OSBPL6: variants seen among roughly 807,000 people sequenced by gnomAD.
OSBPL6 encodes the protein oxysterol-binding protein-related protein 6.
In OSBPL6, 49 loss-of-function variants were observed where a neutral mutation model predicts 125.8. The observed-to-expected ratio is 0.39, with a 90% CI of 0.31 to 0.49. OSBPL6 has a LOEUF of 0.49. Among genes scored for constraint, OSBPL6 ranks in the 20% least tolerant of loss-of-function variants. The probability of loss-of-function intolerance (pLI) is 0.88; values close to 1 mark genes in which losing one functional copy is unlikely to be tolerated. For missense variants in OSBPL6, 986 were observed against 1,135.4 expected (o/e 0.87, Z 1.89); for synonymous variants, 394 against 391.8 (o/e 1.01, Z -0.07).
intron 1 of OSBPL6, among the ~76,000 whole-genome samples, chr2:178,280,072 C>T (rs529501265): frequency 1.3e-5 from 2 of 152,164 alleles, no homozygotes; most frequent in East Asian, 1.9e-4. Flanking sequence ...GTGGCGCACA[C>T]CTGTAGTCCC....
At chr2:178,381,712 G>A (rs1466090404) in intron 15 of OSBPL6, among the ~76,000 whole-genome samples, 4 of 152,314 alleles carry the variant, frequency 2.6e-5, no homozygotes, top group South Asian at 4.2e-4. Flanking sequence ...CCTCCCTAGG[G>A]AGAGCTGCCA....
intron 1 of OSBPL6, among the ~76,000 whole-genome samples, chr2:178,217,169 A>G (rs900740288): frequency 3.9e-5 from 6 of 152,214 alleles, no homozygotes; most frequent in South Asian, 2.1e-4. Context: ...CTCTCAAATG[A>G]TTCAGAAAGT....
In OSBPL6 at chr2:178,242,065, G is replaced by A. The variant is rs532205299; in HGVS notation, c.-350-42862G>A. ...GTGCACTCTGTGATGTTCACACAAT[G>A]ACGAAATCACCTAAAGACATTTCTC... On this transcript the variant is annotated intron_variant, in intron 1 of 24. Coordinates refer to ENST00000190611, the MANE Select transcript of OSBPL6 (RefSeq NM_032523.4). 3.9e-5 allele frequency among the ~76,000 whole-genome samples: 6 copies of A among 152,302 alleles called. No homozygotes were observed. In the South Asian group the frequency reaches 1.2e-3, roughly 32 times the overall value.
intron 3 of OSBPL6, among the ~76,000 whole-genome samples, chr2:178,321,223 G>C (rs11894942): frequency 6.6e-6 from 1 of 152,170 alleles, no homozygotes; most frequent in East Asian, 1.9e-4. Context: ...CTGCAAATTA[G>C]CACTAAAAAA....
chr2:178,359,431 C>A (rs1026746653), intron 12 of OSBPL6, among the ~76,000 whole-genome samples: 1 of 152,032 alleles, frequency 6.6e-6, no homozygotes, highest in African/African-American at 2.4e-5. Context: ...GAAAATGAAA[C>A]CTTTGTACAC....
intron 1 of OSBPL6, among the ~76,000 whole-genome samples, chr2:178,249,342 A>G (rs1370068846): frequency 1.3e-5 from 2 of 152,168 alleles, no homozygotes; most frequent in East Asian, 3.8e-4. Context: ...TTGATCATCT[A>G]TGTATGGCAC....
intron 1 of OSBPL6, among the ~76,000 whole-genome samples, chr2:178,260,448 A>G (rs375484938): frequency 1.3e-5 from 2 of 152,162 alleles, no homozygotes; most frequent in East Asian, 3.9e-4. Context: ...CTGTCTTTCT[A>G]CTAATTTATA....
At chr2:178,354,563 T>A (rs1276174651) in intron 12 of OSBPL6, among the ~76,000 whole-genome samples, 1 of 152,132 alleles carries the variant, frequency 6.6e-6, no homozygotes, top group East Asian at 1.9e-4. Flanking sequence ...ATACACCCAA[T>A]ACAGGAGCAC....
At chr2:178,394,639 T>C (rs979366037) in intron 24 of OSBPL6, among the ~76,000 whole-genome samples, 5 of 152,228 alleles carry the variant, frequency 3.3e-5, no homozygotes, top group African/African-American at 9.6e-5. Context: ...TCTCTTTTCA[T>C]GGGCAGCAGA....
In OSBPL6 at chr2:178,333,153, C is replaced by T. The variant is rs1247288424; in HGVS notation, c.657+112C>T. On this transcript the variant is annotated intron_variant, in intron 8 of 24. Transcript: ENST00000190611. ...ATCCCAGCACTTTGGGAGGCCAAGG[C>T]GGGTGGATCGCCTGACAGCCAGGAG... 1.4e-5 allele frequency: 16 copies of T among 1,139,598 alleles called. No homozygotes were observed. The Admixed American group carries it at 1.5e-4, about 10-fold the overall frequency. The allele number at this position is 1,139,598 out of a possible 1,614,324, so 70.6% of individuals were successfully genotyped here. A position where few individuals can be genotyped will look rare whatever the true frequency, so the allele number is the denominator to read the frequency against.
At chr2:178,256,196 G>T (rs571769307) in intron 1 of OSBPL6, among the ~76,000 whole-genome samples, 1 of 152,226 alleles carries the variant, frequency 6.6e-6, no homozygotes, top group Non-Finnish European at 1.5e-5. Context: ...AGAGAAAGCA[G>T]CACACTCCCT....
In OSBPL6 at chr2:178,228,268, G is replaced by T. The variant is rs994857601; in HGVS notation, c.-351+33594G>T. ...ATTTAAGACACGGCCGGGCGCGGTGGCTCATGCCTGTAATCCCAGCACTTT... is the reference window on the plus strand; with the variant it reads ...ATTTAAGACACGGCCGGGCGCGGTGTCTCATGCCTGTAATCCCAGCACTTT... On this transcript the variant is annotated intron_variant, in intron 1 of 24. Coordinates refer to ENST00000190611, the MANE Select transcript of OSBPL6 (RefSeq NM_032523.4). Among the ~76,000 whole-genome samples, 3 of 152,320 alleles carry T rather than the reference G, an allele frequency of 2.0e-5. 1 individual carries two copies. In the South Asian group the frequency reaches 6.2e-4, roughly 32 times the overall value.
At chr2:178,272,620 C>A (rs945601897) in intron 1 of OSBPL6, among the ~76,000 whole-genome samples, 1 of 152,132 alleles carries the variant, frequency 6.6e-6, no homozygotes, top group Non-Finnish European at 1.5e-5. Context: ...CTGGGAGTAG[C>A]ATTACAATTC....
intron 13 of OSBPL6, among the ~76,000 whole-genome samples, chr2:178,371,851 A>T (rs930447355): frequency 1.3e-5 from 2 of 152,192 alleles, no homozygotes; most frequent in African/African-American, 4.8e-5. Context: ...GACTCACTCT[A>T]AAGGAAAGAA....
chr2:178,315,427 G>A (rs1359313692), intron 3 of OSBPL6, among the ~76,000 whole-genome samples: 1 of 152,212 alleles, frequency 6.6e-6, no homozygotes, highest in Non-Finnish European at 1.5e-5. Flanking sequence ...TATTTGGAAT[G>A]TAGTAAATAT....
At chr2:178,224,750 T>C (rs923065451) in intron 1 of OSBPL6, among the ~76,000 whole-genome samples, 1 of 152,022 alleles carries the variant, frequency 6.6e-6, no homozygotes, top group African/African-American at 2.4e-5. Flanking sequence ...GCCTGGACAA[T>C]ATAATGAGAC....
chr2:178,236,123 A>G (rs768243789), intron 1 of OSBPL6, among the ~76,000 whole-genome samples: 31 of 152,130 alleles, frequency 2.0e-4, no homozygotes, highest in Non-Finnish European at 3.8e-4. Flanking sequence ...TCTAGTTGCT[A>G]CAGTCTCTTA....
intron 11 of OSBPL6, among the ~76,000 whole-genome samples, chr2:178,345,242 A>G (rs1231979810): frequency 6.6e-6 from 1 of 152,244 alleles, no homozygotes; most frequent in African/African-American, 2.4e-5. Context: ...ATATTTCCTT[A>G]ATTAACAGCA....
chr2:178,291,939 A>C (rs2154046136), intron 2 of OSBPL6, among the ~76,000 whole-genome samples: 1 of 152,110 alleles, frequency 6.6e-6, no homozygotes, highest in Non-Finnish European at 1.5e-5. Flanking sequence ...TTTGTCTTTT[A>C]AACTTTCATT....
Sources: gnomAD v4.1 joint callset for allele counts (sites outside exome capture counted in the v4.1 genomes callset) on GRCh38, gnomAD v4.1.1 for gene constraint, MANE v1.5 for transcripts, NCBI Gene and HGNC (gene_info 2026-07-23, HGNC 2026-07-21) for gene names.